The following AP3B1 variants were observed in gnomAD, a reference collection of about 807,000 sequenced individuals.
AP3B1 encodes adaptor related protein complex 3 subunit beta 1, also known as AP-3 complex subunit beta-1.
Under a neutral mutation model 132.5 loss-of-function variants are expected in AP3B1, and 61 were observed. The observed-to-expected ratio is 0.46, with a 90% CI of 0.37 to 0.57. AP3B1 has a LOEUF of 0.57. AP3B1 is among the 20% of genes least tolerant of loss of function. AP3B1 has a pLI of 0.00. For missense variants in AP3B1, 1,120 were observed against 1,289.4 expected, an observed-to-expected ratio of 0.87 and a Z score of 2.01; for synonymous variants, 388 against 438.3, an observed-to-expected ratio of 0.89 and a Z score of 1.43.
intron 1 of AP3B1, among the ~76,000 whole-genome samples, chr5:78,269,546 G>A (rs768310499): frequency 6.6e-6 from 1 of 152,160 alleles, no homozygotes; most frequent in African/African-American, 2.4e-5. Context: ...GGGCTATTAT[G>A]TAGTGTAAAT....
At chr5:78,213,243 A>C (rs1293391674) in intron 7 of AP3B1, among the ~76,000 whole-genome samples, 2 of 152,178 alleles carry the variant, frequency 1.3e-5, no homozygotes, top group African/African-American at 4.8e-5. Flanking sequence ...AAGCAACATC[A>C]AGCCTAGATC....
At chr5:78,192,505 G>T (rs1160233377) in intron 7 of AP3B1, among the ~76,000 whole-genome samples, 1 of 151,968 alleles carries the variant, frequency 6.6e-6, no homozygotes, top group Non-Finnish European at 1.5e-5. Context: ...AGCCACACAT[G>T]GTGGCACACA....
Position 78,262,248 on chromosome 5 carries a change from C to CT in AP3B1, c.204+5271dup, listed in dbSNP as rs546609267. Among the ~76,000 whole-genome samples the CT allele has an allele frequency of 4.2e-3, 638 of 151,476 alleles. 2 individuals carry two copies. Among genetic ancestry groups the CT allele is most frequent in the African/African-American group, 0.014 (597 of 41,262 alleles). On this transcript the variant is annotated intron_variant, in intron 2 of 26. Transcript: ENST00000255194. The stretch of plus-strand genomic sequence containing the variant: ...ATTTTGATAAAATCCAAATAATCTA[C>CT]TTTTTTTTTACTGTTCTTGTTTTAG...
At chr5:78,115,820 A>G (rs1188323834) in intron 18 of AP3B1, among the ~76,000 whole-genome samples, 2 of 152,202 alleles carry the variant, frequency 1.3e-5, no homozygotes, top group East Asian at 3.8e-4. Flanking sequence ...CATCAAGTGT[A>G]AAATTATGTT....
chr5:78,221,703 C>G (rs926778422), intron 6 of AP3B1, among the ~76,000 whole-genome samples: 2 of 150,968 alleles, frequency 1.3e-5, no homozygotes, highest in African/African-American at 4.9e-5. Flanking sequence ...CAAAGAAGAT[C>G]CAATGTGCAT....
At chr5:78,004,920 T>C (rs780285235) in intron 26 of AP3B1, among the ~76,000 whole-genome samples, 20 of 152,164 alleles carry the variant, frequency 1.3e-4, no homozygotes, top group Non-Finnish European at 1.0e-4. Flanking sequence ...GATTATGAAC[T>C]AGGTACCTCA....
At chr5:78,025,582 T>A (rs183770983) in intron 24 of AP3B1, among the ~76,000 whole-genome samples, 62 of 152,366 alleles carry the variant, frequency 4.1e-4, no homozygotes, top group African/African-American at 1.5e-3. Flanking sequence ...CCTTTCTCCA[T>A]GTCATTTCTT....
chr5:78,191,007 G>A (rs962819104), intron 7 of AP3B1, among the ~76,000 whole-genome samples: 6 of 152,072 alleles, frequency 3.9e-5, no homozygotes, highest in South Asian at 2.1e-4. Flanking sequence ...TATTGTTTGG[G>A]GAACTCATTA....
At chr5:78,270,104 G>T (rs1224478478) in intron 1 of AP3B1, among the ~76,000 whole-genome samples, 2 of 152,018 alleles carry the variant, frequency 1.3e-5, no homozygotes, top group African/African-American at 4.8e-5. Context: ...TAGAGATGGG[G>T]TTTCATCATG....
chr5:78,263,527 A>G (rs1748189267), intron 2 of AP3B1, among the ~76,000 whole-genome samples: 1 of 152,174 alleles, frequency 6.6e-6, no homozygotes, highest in African/African-American at 2.4e-5. Context: ...AATTTCCAAT[A>G]CTGTGTTGCA....
intron 26 of AP3B1, among the ~76,000 whole-genome samples, chr5:78,007,605 T>C (rs781007506): frequency 8.5e-5 from 13 of 152,218 alleles, no homozygotes; most frequent in Middle Eastern, 3.2e-3. Flanking sequence ...GATCATTATA[T>C]GTAAGAAATA....
chr5:78,251,624 C>A (rs892957478), intron 2 of AP3B1, among the ~76,000 whole-genome samples: 5 of 152,196 alleles, frequency 3.3e-5, no homozygotes, highest in Non-Finnish European at 7.3e-5. Flanking sequence ...CTGATGCCCA[C>A]CCACAGGGGG....
chr5:78,037,060 A>G (rs113061663), intron 23 of AP3B1, among the ~76,000 whole-genome samples: 10 of 152,176 alleles, frequency 6.6e-5, no homozygotes, highest in African/African-American at 2.2e-4. Context: ...GACAAAGAAA[A>G]GCCTACAACC....
chr5:78,052,709 AT>A (rs1334533879), intron 22 of AP3B1, among the ~76,000 whole-genome samples: 1 of 152,226 alleles, frequency 6.6e-6, no homozygotes, highest in Non-Finnish European at 1.5e-5. Context: ...GGAAATTAAT[AT>A]CCCATTCTTT....
chr5:78,158,853 C>T (rs561029677), intron 13 of AP3B1, among the ~76,000 whole-genome samples: 269 of 152,212 alleles, frequency 1.8e-3, no homozygotes, highest in African/African-American at 6.1e-3. Flanking sequence ...CCCGCCACCA[C>T]GCCCAGCTAA....
chr5:78,005,520 T>C (rs1488108795), intron 26 of AP3B1, among the ~76,000 whole-genome samples: 2 of 152,148 alleles, frequency 1.3e-5, no homozygotes, highest in African/African-American at 2.4e-5. Flanking sequence ...CTATAAAGAA[T>C]AGGGGTATGA....
intron 14 of AP3B1, among the ~76,000 whole-genome samples, chr5:78,154,389 A>C (rs1743056961): frequency 1.3e-5 from 2 of 151,800 alleles, no homozygotes; most frequent in Non-Finnish European, 2.9e-5. Flanking sequence ...CCCATCCTTG[A>C]CCTTTGGGAG....
At chr5:78,071,396 T>C (rs1488249572) in intron 22 of AP3B1, among the ~76,000 whole-genome samples, 1 of 152,020 alleles carries the variant, frequency 6.6e-6, no homozygotes, top group East Asian at 1.9e-4. Context: ...CAACACCCAC[T>C]GGGGCCTGTC....
chr5:78,136,205 A>C (rs1752903803), intron 15 of AP3B1, among the ~76,000 whole-genome samples: 2 of 152,176 alleles, frequency 1.3e-5, no homozygotes, highest in African/African-American at 4.8e-5. Flanking sequence ...TTACAAAAGA[A>C]GGATAACTAA....
Sources: gnomAD v4.1 joint callset for allele counts (sites outside exome capture counted in the v4.1 genomes callset) on GRCh38, gnomAD v4.1.1 for gene constraint, MANE v1.5 for transcripts, NCBI Gene and HGNC (gene_info 2026-07-23, HGNC 2026-07-21) for gene names.